Variants in SMARCA2 observed in about 807,000 individuals in gnomAD.
SMARCA2 encodes SWI/SNF-related matrix-associated actin-dependent regulator of chromatin subfamily A member 2.
Under a neutral mutation model 199.8 loss-of-function variants are expected in SMARCA2, and 61 were observed. The ratio of observed to expected loss-of-function variants is 0.31; its 90% CI spans 0.25 to 0.38. The LOEUF (loss-of-function observed/expected upper bound fraction) is 0.38, where lower values mean the gene tolerates loss of function less well. Among genes scored for constraint, SMARCA2 ranks in the 10% least tolerant of loss-of-function variants. The probability of loss-of-function intolerance (pLI) is 1.00; values close to 1 mark genes in which losing one functional copy is unlikely to be tolerated. For missense variants in SMARCA2, 1,344 were observed against 2,012.2 expected, an observed-to-expected ratio of 0.67 and a Z score of 6.35; for synonymous variants, 935 against 732.0, an observed-to-expected ratio of 1.28 and a Z score of -4.48.
intron 1 of SMARCA2, chr9:2,022,062 T>C (rs1425576064): frequency 1.3e-5 from 2 of 150,568 alleles, no homozygotes; most frequent in Non-Finnish European, 2.9e-5. Context: ...GAAGTTCCAG[T>C]TGGGGAGAAT....
chr9:2,142,141 G>C (rs1022426420), intron 27 of SMARCA2, among the ~76,000 whole-genome samples: 1 of 152,174 alleles, frequency 6.6e-6, no homozygotes, highest in African/African-American at 2.4e-5. Context: ...TCAAGTTGCA[G>C]ATGCTCTACC....
In SMARCA2 at chr9:2,044,730, C is replaced by T. The variant is rs1027189881; in HGVS notation, c.791-2499C>T. 4 of 152,098 alleles carry T rather than the reference C, an allele frequency of 2.6e-5. No individual in the cohort carries two copies. The East Asian group carries it at 7.7e-4, about 29-fold the overall frequency. The allele number at this position is 152,098 out of a possible 1,614,324, so 9.4% of individuals were successfully genotyped here. ...CAGCTGAGGTGAAAGAACATTTTTTCTGGGAAGATACAGGGTGTTTAAAGG... is the reference window on the plus strand; with the variant it reads ...CAGCTGAGGTGAAAGAACATTTTTTTTGGGAAGATACAGGGTGTTTAAAGG... On this transcript the variant is annotated intron_variant, in intron 4 of 33. Coordinates refer to ENST00000349721, the MANE Select transcript of SMARCA2 (RefSeq NM_003070.5).
intron 27 of SMARCA2, among the ~76,000 whole-genome samples, chr9:2,149,999 ACT>A (rs1241865850): frequency 1.3e-5 from 2 of 151,344 alleles, no homozygotes; most frequent in Non-Finnish European, 3.0e-5. Flanking sequence ...CTCTACTGAC[ACT>A]CTAATAATAT....
chr9:2,155,802 C>T (rs1825331722), intron 27 of SMARCA2, among the ~76,000 whole-genome samples: 1 of 124,596 alleles, frequency 8.0e-6, no homozygotes, highest in Admixed American at 9.9e-5. Flanking sequence ...GGAAAACCCA[C>T]TGTACCAGAA....
intron 17 of SMARCA2, chr9:2,085,888 C>T (rs1821783200): frequency 6.6e-6 from 1 of 152,124 alleles, no homozygotes; most frequent in Non-Finnish European, 1.5e-5. Flanking sequence ...GTGGAACATT[C>T]CTCATTGTTC....
At chr9:2,127,953 AAC>A (rs1356294226) in intron 27 of SMARCA2, among the ~76,000 whole-genome samples, 1 of 141,626 alleles carries the variant, frequency 7.1e-6, no homozygotes, top group Non-Finnish European at 1.5e-5. Context: ...CACAATTTCA[AAC>A]ACAGTTCAGT....
chr9:2,142,868 G>A lies in SMARCA2; in HGVS notation c.3982-18818G>A, dbSNP rs141833627. On this transcript the variant is annotated intron_variant, in intron 27 of 33. Coordinates refer to ENST00000349721, the MANE Select transcript of SMARCA2 (RefSeq NM_003070.5). ...AGCTCTGTCATCCTGAGAAAGCAGAGGGGTAAACAATAAAGACTTAATTGT... is the reference window on the plus strand; with the variant it reads ...AGCTCTGTCATCCTGAGAAAGCAGAAGGGTAAACAATAAAGACTTAATTGT... 3.9e-3 allele frequency among the ~76,000 whole-genome samples: 588 copies of A among 152,274 alleles called. 3 individuals carry two copies. Among genetic ancestry groups the A allele is most frequent in the Non-Finnish European group, 6.7e-3 (456 of 68,020 alleles).
At chr9:2,077,256 C>T (rs577853179) in intron 13 of SMARCA2, among the ~76,000 whole-genome samples, 1 of 152,312 alleles carries the variant, frequency 6.6e-6, no homozygotes. Flanking sequence ...ATTTAACAGT[C>T]TAGGACAGCT....
intron 2 of SMARCA2, among the ~76,000 whole-genome samples, chr9:2,032,271 G>A (rs528747696): frequency 2.6e-5 from 4 of 152,266 alleles, no homozygotes; most frequent in African/African-American, 4.8e-5. Context: ...GATTAATGTC[G>A]ATTCAATAGC....
Position 2,086,433 on chromosome 9 carries a change from C to A in SMARCA2, c.2527-396C>A, listed in dbSNP as rs1052873922. 6.6e-6 allele frequency among the ~76,000 whole-genome samples: 1 copy of A among 152,176 alleles called. No homozygotes were observed. Among genetic ancestry groups the A allele is most frequent in the Non-Finnish European group, 1.5e-5 (1 of 68,036 alleles). On this transcript the variant is annotated intron_variant, in intron 17 of 33. Transcript: ENST00000349721. This position sits in a 1 kb window ranked among gnomAD's most constrained non-coding sequence, Gnocchi z 4.3. The stretch of plus-strand genomic sequence containing the variant: ...TCTGCTTCAGGTGGGTACCTATATT[C>A]TGTGCCTGTCATGAGCTGAAATAGC...
intron 32 of SMARCA2, among the ~76,000 whole-genome samples, chr9:2,186,566 TTAGCTCACTGCAACCTCCACCTCCCAG>T (rs371572185): frequency 0.024 from 3,655 of 152,208 alleles, 79 homozygotes; most frequent in East Asian, 0.04. Context: ...TGGCATGATC[TTAGCTCACTGCAACCTCCACCTCCCAG>T]TAGCTCACTG....
chr9:2,149,810 G>A (rs1352402271), intron 27 of SMARCA2, among the ~76,000 whole-genome samples: 1 of 151,568 alleles, frequency 6.6e-6, no homozygotes, highest in African/African-American at 2.4e-5. Flanking sequence ...CCACATATAT[G>A]TAGCTCTTAG....
intron 29 of SMARCA2, among the ~76,000 whole-genome samples, chr9:2,172,473 G>C (rs568441705): frequency 6.6e-6 from 1 of 151,798 alleles, no homozygotes; most frequent in Non-Finnish European, 1.5e-5. Flanking sequence ...GTGCGGGAAG[G>C]GGGGATGTAG....
At chr9:2,189,323 C>G (rs559472813) in intron 32 of SMARCA2, among the ~76,000 whole-genome samples, 3 of 152,204 alleles carry the variant, frequency 2.0e-5, no homozygotes, top group Middle Eastern at 6.8e-3. Flanking sequence ...CATAGTCTGT[C>G]AGGTGGGTTT....
At chr9:2,113,581 G>C (rs902323810) in intron 24 of SMARCA2, among the ~76,000 whole-genome samples, 1 of 152,102 alleles carries the variant, frequency 6.6e-6, no homozygotes, top group Non-Finnish European at 1.5e-5. Flanking sequence ...CTCACATTTC[G>C]TTAAACTTCT....
intron 27 of SMARCA2, among the ~76,000 whole-genome samples, chr9:2,130,658 A>G (rs1340611389): frequency 6.6e-6 from 1 of 152,194 alleles, no homozygotes; most frequent in Non-Finnish European, 1.5e-5. Context: ...TATATTACAG[A>G]TTACATATAT....
intron 29 of SMARCA2, among the ~76,000 whole-genome samples, chr9:2,180,387 C>A (rs779223619): frequency 1.3e-5 from 2 of 152,154 alleles, no homozygotes. Context: ...ACTGCGCATG[C>A]CTTTTTTATG....
intron 27 of SMARCA2, among the ~76,000 whole-genome samples, chr9:2,132,231 A>G (rs895588238): frequency 2.6e-5 from 4 of 152,188 alleles, no homozygotes; most frequent in Non-Finnish European, 5.9e-5. Flanking sequence ...TGATAAATAA[A>G]ATATTTCCTC....
Position 2,039,568 on chromosome 9 carries a change from C to T in SMARCA2, c.458C>T (p.Pro153Leu), listed in dbSNP as rs774084308. The T allele has an allele frequency of 9.3e-6, 15 of 1,614,056 alleles. No homozygotes were observed. Among genetic ancestry groups the T allele is most frequent in the South Asian group, 6.6e-5 (6 of 91,078 alleles). Residue 153 changes from proline (P) to leucine (L), a missense_variant, in exon 4 of 34, where the codon CCG (proline) becomes CTG (leucine). By Grantham distance (98) the Pro-to-Leu change is moderately conservative. This residue lies in a region of SMARCA2 where 275 missense variants were observed against 247.5 expected (regional missense o/e 1.11). Coordinates refer to ENST00000349721, the MANE Select transcript of SMARCA2 (RefSeq NM_003070.5). This position sits in a 1 kb window ranked among gnomAD's most constrained non-coding sequence, Gnocchi z 4.8. ...PTPPQMPPSQPGALIPGDPQA... is the reference protein window; with the variant it reads ...PTPPQMPPSQLGALIPGDPQA... ...CCACCTCAGATGCCACCAAGCCAGC[C>T]GGGGGCCCTCATCCCAGGTGATCCG... is the stretch of plus-strand genomic sequence containing the variant.
Sources: allele counts gnomAD v4.1 joint callset (sites outside exome capture counted in the v4.1 genomes callset), GRCh38; gene constraint gnomAD v4.1.1; regional missense constraint gnomAD v4.1.1; non-coding constraint Gnocchi (gnomAD v3.1); transcripts MANE v1.5; gene names NCBI Gene and HGNC (gene_info 2026-07-23, HGNC 2026-07-21).